Variants in PHF14 observed in about 807,000 individuals in gnomAD.
PHF14 encodes PHD finger protein 14.
PHF14 carries 55 observed loss-of-function variants against 117.9 expected under a neutral mutation model. The observed-to-expected ratio is 0.47, with a 90% CI of 0.38 to 0.58. The LOEUF (loss-of-function observed/expected upper bound fraction) is 0.58, where lower values mean the gene tolerates loss of function less well. Ranked by LOEUF, PHF14 falls within the 20% of genes least tolerant of loss-of-function variation. The pLI, the probability that PHF14 is intolerant of heterozygous loss-of-function variation, is 0.00. For missense variants in PHF14, 978 were observed against 1,122.2 expected (o/e 0.87, Z 1.84); for synonymous variants, 409 against 368.6 (o/e 1.11, Z -1.26).
chr7:11,080,301 G>A (rs751622363), intron 16 of PHF14, among the ~76,000 whole-genome samples: 3 of 152,044 alleles, frequency 2.0e-5, no homozygotes, highest in Admixed American at 1.3e-4. Context: ...TATATTACAC[G>A]TGCATACTTG....
Position 11,042,830 on chromosome 7 carries a change from G to T in PHF14, c.2312+16G>T. The T allele has an allele frequency of 6.5e-7, 1 of 1,530,866 alleles. No homozygotes were observed. Among genetic ancestry groups the T allele is most frequent in the South Asian group, 1.2e-5 (1 of 83,374 alleles). The allele number at this position is 1,530,866 out of a possible 1,614,324, so 94.8% of individuals were successfully genotyped here. A position where few individuals can be genotyped will look rare whatever the true frequency, so the allele number is the denominator to read the frequency against. On this transcript the variant is annotated intron_variant, in intron 13 of 17. Coordinates refer to ENST00000634607, the MANE Select transcript of PHF14 (RefSeq NM_001007157.2). ...ACAGTTATTGGTGAGTAAAATAGAG[G>T]AGATTTAGATGTTTGAATTGATTTA...
At chr7:11,100,355 TGTTTTCTG>T (rs1439892031) in intron 16 of PHF14, among the ~76,000 whole-genome samples, 1 of 152,032 alleles carries the variant, frequency 6.6e-6, no homozygotes, top group Non-Finnish European at 1.5e-5. Flanking sequence ...TCCCAGACTA[TGTTTTCTG>T]GTCTTTGACT....
chr7:11,072,516 TAA>T (rs1233270424), intron 16 of PHF14, among the ~76,000 whole-genome samples: 1 of 152,188 alleles, frequency 6.6e-6, no homozygotes, highest in Non-Finnish European at 1.5e-5. Context: ...TCATTATCTA[TAA>T]AATAGCAATA....
intron 4 of PHF14, among the ~76,000 whole-genome samples, chr7:11,000,070 C>A (rs916081749): frequency 1.3e-5 from 2 of 152,056 alleles, no homozygotes; most frequent in African/African-American, 4.8e-5. Context: ...TTAGGTGAAT[C>A]TTTATTTTGT....
At chr7:11,057,450 C>T (rs1410515626) in intron 14 of PHF14, among the ~76,000 whole-genome samples, 1 of 152,124 alleles carries the variant, frequency 6.6e-6, no homozygotes, top group African/African-American at 2.4e-5. Flanking sequence ...CCTTGGCTCA[C>T]TGCAACCTCC....
intron 2 of PHF14, among the ~76,000 whole-genome samples, chr7:10,976,202 A>G (rs1583319659): frequency 6.6e-6 from 1 of 152,276 alleles, no homozygotes; most frequent in Middle Eastern, 3.4e-3. Flanking sequence ...TACTAATTGA[A>G]TTCATCCGCA....
intron 16 of PHF14, among the ~76,000 whole-genome samples, chr7:11,082,430 T>A (rs1332480379): frequency 6.6e-6 from 1 of 152,232 alleles, no homozygotes; most frequent in African/African-American, 2.4e-5. Context: ...TTTTTGTTTG[T>A]CTATCCTAAA....
intron 5 of PHF14, among the ~76,000 whole-genome samples, chr7:11,015,381 C>G (rs1204861830): frequency 6.6e-6 from 1 of 152,124 alleles, no homozygotes; most frequent in Non-Finnish European, 1.5e-5. Flanking sequence ...AATCTTACCT[C>G]TTCTTCCTTA....
At chr7:11,082,223 A>G (rs151152435) in intron 16 of PHF14, among the ~76,000 whole-genome samples, 10 of 151,878 alleles carry the variant, frequency 6.6e-5, no homozygotes, top group Admixed American at 5.2e-4. Flanking sequence ...ACACGTGCCT[A>G]TAGTCCCAGC....
chr7:11,079,253 G>A (rs1785985276), intron 16 of PHF14, among the ~76,000 whole-genome samples: 1 of 152,074 alleles, frequency 6.6e-6, no homozygotes, highest in African/African-American at 2.4e-5. Context: ...CCAGAATTAG[G>A]TTGTCTTTGT....
Position 11,145,849 on chromosome 7 carries a change from G to A in PHF14, c.2773-23567G>A, listed in dbSNP as rs1191092906. On this transcript the variant is annotated intron_variant, in intron 17 of 17. Coordinates refer to ENST00000634607, the MANE Select transcript of PHF14 (RefSeq NM_001007157.2). ...TTGCTCTTTTACTTCTATCGTATAC[G>A]TTATACATTACCATATGTTATACTT... Among the ~76,000 whole-genome samples, 6 of 151,952 alleles carry A rather than the reference G, an allele frequency of 3.9e-5. No homozygotes were observed. In the South Asian group the frequency reaches 6.2e-4, roughly 16 times the overall value.
chr7:11,017,454 T>C (rs1055771184), intron 5 of PHF14, among the ~76,000 whole-genome samples: 3 of 152,192 alleles, frequency 2.0e-5, no homozygotes, highest in East Asian at 3.8e-4. Context: ...TGAGATGATA[T>C]TTCATGATAG....
At chr7:10,977,099 C>G (rs1781894703) in intron 2 of PHF14, among the ~76,000 whole-genome samples, 1 of 151,836 alleles carries the variant, frequency 6.6e-6, no homozygotes, top group African/African-American at 2.4e-5. Context: ...CCATTTGAAT[C>G]TTTTCTGTGC....
chr7:10,989,708 G>A (rs572657733), intron 3 of PHF14, among the ~76,000 whole-genome samples: 4 of 152,256 alleles, frequency 2.6e-5, no homozygotes, highest in African/African-American at 7.2e-5. Flanking sequence ...ATAGCTTGCT[G>A]CAGCATTGAA....
intron 4 of PHF14, among the ~76,000 whole-genome samples, chr7:11,000,544 G>T (rs970052063): frequency 6.6e-6 from 1 of 151,858 alleles, no homozygotes; most frequent in African/African-American, 2.4e-5. Context: ...TTGCCATGTT[G>T]GCCAGGCTGG....
chr7:11,019,677 C>T (rs1783663121), intron 5 of PHF14, among the ~76,000 whole-genome samples: 1 of 152,070 alleles, frequency 6.6e-6, no homozygotes, highest in Non-Finnish European at 1.5e-5. Flanking sequence ...TTTACCTTTT[C>T]AAAATACTAA....
intron 6 of PHF14, among the ~76,000 whole-genome samples, chr7:11,023,479 A>C (rs764005957): frequency 6.6e-6 from 1 of 152,122 alleles, no homozygotes; most frequent in African/African-American, 2.4e-5. Flanking sequence ...GTGTTCCCCT[A>C]TCTTTCTCCC....
intron 6 of PHF14, among the ~76,000 whole-genome samples, chr7:11,028,080 A>G (rs1026217516): frequency 6.6e-5 from 10 of 152,178 alleles, no homozygotes; most frequent in Admixed American, 3.9e-4. Context: ...AAAATATTTT[A>G]AGTTGAGATT....
intron 17 of PHF14, among the ~76,000 whole-genome samples, chr7:11,146,172 T>TA (rs1788544802): frequency 6.6e-6 from 1 of 152,058 alleles, no homozygotes; most frequent in Admixed American, 6.6e-5. Flanking sequence ...ACTTACAAAT[T>TA]AAAAAATTAT....
Sources: allele counts gnomAD v4.1 joint callset (sites outside exome capture counted in the v4.1 genomes callset), GRCh38; gene constraint gnomAD v4.1.1; transcripts MANE v1.5; gene names NCBI Gene and HGNC (gene_info 2026-07-23, HGNC 2026-07-21).